The following DLGAP2 variants were observed in gnomAD, a reference collection of about 807,000 sequenced individuals.
The protein encoded by DLGAP2 is disks large-associated protein 2.
Under a neutral mutation model 100.3 loss-of-function variants are expected in DLGAP2, and 26 were observed. The observed-to-expected ratio is 0.26, with a 90% CI of 0.19 to 0.36. DLGAP2 has a LOEUF of 0.36. Ranked by LOEUF, DLGAP2 falls within the 10% of genes least tolerant of loss-of-function variation. The pLI, the probability that DLGAP2 is intolerant of heterozygous loss-of-function variation, is 1.00. For missense variants in DLGAP2, 1,858 were observed against 1,453.2 expected, an observed-to-expected ratio of 1.28 and a Z score of -4.53; for synonymous variants, 886 against 630.1, an observed-to-expected ratio of 1.41 and a Z score of -6.08.
At chr8:844,073 AT>A (rs1216907526) in intron 1 of DLGAP2, among the ~76,000 whole-genome samples, 2 of 152,116 alleles carry the variant, frequency 1.3e-5, no homozygotes, top group Non-Finnish European at 2.9e-5. Flanking sequence ...TGCTCTACTA[AT>A]TTTTTTCATT....
At chr8:1,458,016 T>TAAG in intron 3 of DLGAP2, among the ~76,000 whole-genome samples, 1 of 102,536 alleles carries the variant, frequency 9.8e-6, no homozygotes, top group African/African-American at 3.5e-5. Context: ...ATATATATAA[T>TAAG]TTTTTATATG....
chr8:1,116,246 C>T (rs1050058200), intron 2 of DLGAP2, among the ~76,000 whole-genome samples: 1 of 152,204 alleles, frequency 6.6e-6, no homozygotes, highest in Non-Finnish European at 1.5e-5. Context: ...TCCTGACATG[C>T]TCTTGGGTTT....
At chr8:1,444,963 G>C (rs943453063) in intron 3 of DLGAP2, among the ~76,000 whole-genome samples, 3 of 151,104 alleles carry the variant, frequency 2.0e-5, no homozygotes, top group African/African-American at 7.3e-5. Flanking sequence ...GTAGAGACAG[G>C]GTTTCACCGT....
chr8:1,073,968 G>A lies in DLGAP2; in HGVS notation c.73+166002G>A, dbSNP rs1465744480. ...AGCAGAGTGAGGCTGAACTCACCCA[G>A]GTACATATTCAGGAGTCACTGTAAC... On this transcript the variant is annotated intron_variant, in intron 2 of 14. Transcript: ENST00000637795. 2.6e-5 allele frequency among the ~76,000 whole-genome samples: 4 copies of A among 152,044 alleles called. No individual in the cohort carries two copies. The East Asian group carries it at 5.8e-4, about 22-fold the overall frequency.
At chr8:1,114,585 CTCTTT>C in intron 2 of DLGAP2, among the ~76,000 whole-genome samples, 1 of 151,904 alleles carries the variant, frequency 6.6e-6, no homozygotes, top group East Asian at 1.9e-4. Flanking sequence ...TGGGCCTCCT[CTCTTT>C]TCTTCTTTAT....
chr8:1,298,567 CG>C (rs1200084805), intron 3 of DLGAP2, among the ~76,000 whole-genome samples: 2 of 152,042 alleles, frequency 1.3e-5, no homozygotes, highest in East Asian at 3.9e-4. Context: ...GCGTGGGGGA[CG>C]GCTCAGTAGG....
At chr8:1,265,549 G>A (rs74622754) in intron 3 of DLGAP2, among the ~76,000 whole-genome samples, 3,398 of 152,282 alleles carry the variant, frequency 0.022, 122 homozygotes, top group African/African-American at 0.077. Context: ...AGTCAAAGAA[G>A]TAAAGGCCAA....
chr8:1,588,612 C>T (rs1191113110), intron 6 of DLGAP2, among the ~76,000 whole-genome samples: 1 of 151,838 alleles, frequency 6.6e-6, no homozygotes, highest in Non-Finnish European at 1.5e-5. Flanking sequence ...AAAACATTAA[C>T]AGTGTTTAAC....
intron 2 of DLGAP2, among the ~76,000 whole-genome samples, chr8:1,009,700 A>G (rs1189067284): frequency 3.9e-5 from 6 of 152,232 alleles, no homozygotes; most frequent in Admixed American, 3.3e-4. Context: ...AGAACCAGAA[A>G]TGGAACCTTT....
chr8:767,229 C>CA (rs1821236963), intron 1 of DLGAP2, among the ~76,000 whole-genome samples: 1 of 151,538 alleles, frequency 6.6e-6, no homozygotes, highest in Non-Finnish European at 1.5e-5. Context: ...CTCTTGCTAG[C>CA]AAGGAAATAA....
At chr8:1,302,661 G>C (rs1032475503) in intron 3 of DLGAP2, 5 of 152,276 alleles carry the variant, frequency 3.3e-5, no homozygotes, top group Admixed American at 2.0e-4. Context: ...CATTTTACGT[G>C]AGTCCTCTAT....
intron 1 of DLGAP2, among the ~76,000 whole-genome samples, chr8:782,242 A>G (rs1425165647): frequency 6.6e-6 from 1 of 152,170 alleles, no homozygotes; most frequent in Non-Finnish European, 1.5e-5. Context: ...AAAATTAAAA[A>G]AAAAACAGAA....
At chr8:1,232,646 C>T (rs575161017) in intron 2 of DLGAP2, among the ~76,000 whole-genome samples, 2 of 152,310 alleles carry the variant, frequency 1.3e-5, no homozygotes, top group South Asian at 2.1e-4. Context: ...TTCATGTAGG[C>T]ATTTCATTTC....
intron 3 of DLGAP2, among the ~76,000 whole-genome samples, chr8:1,330,435 G>T (rs1169278842): frequency 1.4e-5 from 2 of 141,924 alleles, no homozygotes; most frequent in Non-Finnish European, 3.0e-5. Context: ...CGGGGACTGA[G>T]TTCTGGGTGG....
At position 1,005,894 on chromosome 8, in the gene DLGAP2, C is replaced by T. The variant is rs60102366; in HGVS notation, c.73+97928C>T. ...ACTGGCAGAACCAGAACTTACGTAA[C>T]GGGGAGTGAGGGAGATCAAAGAAAT... is the stretch of plus-strand genomic sequence containing the variant. On this transcript the variant is annotated intron_variant, in intron 2 of 14. Transcript: ENST00000637795. Among the ~76,000 whole-genome samples, 1,059 of 152,178 alleles carry T rather than the reference C, an allele frequency of 7.0e-3. 12 individuals are homozygous for T. Among genetic ancestry groups the T allele is most frequent in the African/African-American group, 0.024 (1,003 of 41,510 alleles).
chr8:1,141,496 T>C (rs17065702), intron 2 of DLGAP2, among the ~76,000 whole-genome samples: 1 of 152,048 alleles, frequency 6.6e-6, no homozygotes, highest in Non-Finnish European at 1.5e-5. Flanking sequence ...AAAAGAAAAA[T>C]GTAATCCAGA....
intron 2 of DLGAP2, among the ~76,000 whole-genome samples, chr8:1,254,362 A>G (rs1309151660): frequency 6.6e-6 from 1 of 152,052 alleles, no homozygotes. Flanking sequence ...AGTGGATCCC[A>G]CAGTTCCTGA....
At chr8:1,695,699 A>G (rs554712384) in intron 13 of DLGAP2, among the ~76,000 whole-genome samples, 1 of 152,314 alleles carries the variant, frequency 6.6e-6, no homozygotes, top group African/African-American at 2.4e-5. Flanking sequence ...TAGGTTGGCG[A>G]AGACTTCTGG....
intron 2 of DLGAP2, among the ~76,000 whole-genome samples, chr8:1,026,372 G>A (rs749036647): frequency 1.3e-5 from 2 of 152,236 alleles, no homozygotes; most frequent in African/African-American, 2.4e-5. Context: ...TCCACTTCAC[G>A]GTTGGTGTTG....
Sources: gnomAD v4.1 joint callset for allele counts (sites outside exome capture counted in the v4.1 genomes callset) on GRCh38, gnomAD v4.1.1 for gene constraint, MANE v1.5 for transcripts, NCBI Gene and HGNC (gene_info 2026-07-23, HGNC 2026-07-21) for gene names.